Variants in MSH4 observed in about 807,000 individuals in gnomAD.
MSH4 encodes the protein mutS protein homolog 4.
Under a neutral mutation model 113.7 loss-of-function variants are expected in MSH4, and 106 were observed. That is an observed-to-expected ratio of 0.93 (90% CI 0.80 to 1.10). The LOEUF is 1.10. MSH4 is among the 50% of genes least tolerant of loss of function. The pLI, the probability that MSH4 is intolerant of heterozygous loss-of-function variation, is 0.00. For missense variants in MSH4, 1,061 were observed against 1,093.7 expected, an observed-to-expected ratio of 0.97 and a Z score of 0.42; for synonymous variants, 368 against 380.2, an observed-to-expected ratio of 0.97 and a Z score of 0.37.
At chr1:75,830,170 A>C (rs1451627491) in intron 7 of MSH4, among the ~76,000 whole-genome samples, 1 of 152,182 alleles carries the variant, frequency 6.6e-6, no homozygotes, top group Non-Finnish European at 1.5e-5. Flanking sequence ...GATTTGATCA[A>C]GTGGAAGAAA....
chr1:75,854,384 C>T (rs1362551360), intron 8 of MSH4, among the ~76,000 whole-genome samples: 1 of 152,098 alleles, frequency 6.6e-6, no homozygotes, highest in Non-Finnish European at 1.5e-5. Flanking sequence ...ATCCTTCTCA[C>T]CTCTCTCAGG....
chr1:75,811,469 T>C (rs369418828), intron 4 of MSH4, among the ~76,000 whole-genome samples: 121 of 152,352 alleles, frequency 7.9e-4, no homozygotes, highest in African/African-American at 2.6e-3. Context: ...AAACTACTTA[T>C]TGTGCTGTCA....
chr1:75,859,634 T>G (rs1290533123), intron 8 of MSH4, among the ~76,000 whole-genome samples: 1 of 152,214 alleles, frequency 6.6e-6, no homozygotes, highest in Non-Finnish European at 1.5e-5. Context: ...GGCAGTTTGT[T>G]GTGATTTCTA....
intron 8 of MSH4, among the ~76,000 whole-genome samples, chr1:75,866,958 C>T (rs5745428): frequency 0.084 from 12,775 of 152,082 alleles, 785 homozygotes; most frequent in African/African-American, 0.17. Context: ...GTAACACTGC[C>T]CAATTCTAGA....
chr1:75,827,048 AG>A (rs1432638948), intron 7 of MSH4, among the ~76,000 whole-genome samples: 5 of 152,044 alleles, frequency 3.3e-5, no homozygotes, highest in Non-Finnish European at 4.4e-5. Flanking sequence ...AGATTCGCCA[AG>A]GTTGAAACAA....
intron 7 of MSH4, among the ~76,000 whole-genome samples, chr1:75,832,334 A>C (rs2100531155): frequency 1.3e-5 from 2 of 152,374 alleles, no homozygotes; most frequent in African/African-American, 4.8e-5. Context: ...ATATGGATTC[A>C]CAGCCGAATT....
intron 9 of MSH4, 86 bp downstream of exon 9, chr1:75,867,674 T>G: frequency 1.2e-6 from 1 of 831,846 alleles, no homozygotes; most frequent in Non-Finnish European, 1.9e-6. Flanking sequence ...CTCGGAAAAT[T>G]GCAAGAATAA....
At chr1:75,837,427 C>A (rs148077070) in intron 7 of MSH4, among the ~76,000 whole-genome samples, 1 of 139,212 alleles carries the variant, frequency 7.2e-6, no homozygotes, top group Non-Finnish European at 1.5e-5. Context: ...CTTGCTGTCA[C>A]CTACCCTGGA....
chr1:75,846,678 G>C (rs1292014868), intron 7 of MSH4, among the ~76,000 whole-genome samples: 1 of 152,138 alleles, frequency 6.6e-6, no homozygotes, highest in African/African-American at 2.4e-5. Context: ...CACTTAAGTA[G>C]TCTTTACAAC....
intron 15 of MSH4, among the ~76,000 whole-genome samples, chr1:75,887,471 T>C (rs758058087): frequency 3.3e-5 from 5 of 152,276 alleles, no homozygotes; most frequent in East Asian, 1.9e-4. Context: ...GTAGCTAATA[T>C]TGAGTGTTCA....
chr1:75,911,498 A>G (rs1354923365), intron 19 of MSH4, among the ~76,000 whole-genome samples: 1 of 151,960 alleles, frequency 6.6e-6, no homozygotes, highest in Admixed American at 6.6e-5. Context: ...TCCTCTGAGT[A>G]TTTTATGGCT....
At chr1:75,820,510 C>T (rs1241217819) in intron 6 of MSH4, among the ~76,000 whole-genome samples, 1 of 152,132 alleles carries the variant, frequency 6.6e-6, no homozygotes, top group African/African-American at 2.4e-5. Context: ...TGTTATTGGT[C>T]TATTCAGAGA....
At chr1:75,837,496 C>T (rs1196644086) in intron 7 of MSH4, among the ~76,000 whole-genome samples, 1 of 147,660 alleles carries the variant, frequency 6.8e-6, no homozygotes, top group African/African-American at 2.5e-5. Flanking sequence ...AAGTGATTCT[C>T]TTGCCTCAGC....
chr1:75,883,587 A>T (rs1202849816), intron 14 of MSH4, 34 bp from the exon 15 acceptor site: 1 of 1,533,100 alleles, frequency 6.5e-7, no homozygotes, highest in African/African-American at 1.4e-5. Context: ...CAAATATATT[A>T]ATCTTTAAAA....
At position 75,856,730 on chromosome 1, in the gene MSH4, T is replaced by C. The variant is rs376855861; in HGVS notation, c.1230+8454T>C. ...GGTTCCAAGTCTTTGCTATTGTGAA[T>C]AGTGCTGCAATAAACATACATGTAC... On this transcript the variant is annotated intron_variant, in intron 8 of 19. Coordinates refer to ENST00000263187, the MANE Select transcript of MSH4 (RefSeq NM_002440.4). Among the ~76,000 whole-genome samples, 91 of 152,340 alleles carry C rather than the reference T, an allele frequency of 6.0e-4. 2 individuals carry two copies. Among genetic ancestry groups the C allele is most frequent in the African/African-American group, 2.1e-3 (86 of 41,572 alleles).
chr1:75,811,941 T>C (rs1650198177), intron 4 of MSH4, among the ~76,000 whole-genome samples: 1 of 152,210 alleles, frequency 6.6e-6, no homozygotes, highest in Non-Finnish European at 1.5e-5. Flanking sequence ...TTGCCAGAGA[T>C]AGTCCCTATT....
intron 15 of MSH4, among the ~76,000 whole-genome samples, chr1:75,887,209 G>A (rs867958038): frequency 6.6e-6 from 1 of 151,942 alleles, no homozygotes; most frequent in Non-Finnish European, 1.5e-5. Flanking sequence ...CCCCAATGTT[G>A]TTCTTGTGAT....
rs578220818 is a variant in MSH4 at position 75,841,379 on chromosome 1, G to A, written c.1163-6830G>A. 4.7e-4 allele frequency among the ~76,000 whole-genome samples: 71 copies of A among 152,020 alleles called. 1 individual carries two copies. The highest frequency in any genetic ancestry group is 1.5e-3 in the African/African-American group (62 of 41,464). ...TGCCTGGCTAATTTTTACATTTTTT[G>A]TAGAGCCAGGGTCTTGCTCTGTTGC... is the stretch of plus-strand genomic sequence containing the variant. On this transcript the variant is annotated intron_variant, in intron 7 of 19. Transcript: ENST00000263187.
At chr1:75,904,219 G>A (rs1652571216) in intron 19 of MSH4, among the ~76,000 whole-genome samples, 1 of 152,082 alleles carries the variant, frequency 6.6e-6, no homozygotes. Context: ...TGAATTCCGT[G>A]TAATCATGGT....
Sources: allele counts gnomAD v4.1 joint callset (sites outside exome capture counted in the v4.1 genomes callset), GRCh38; gene constraint gnomAD v4.1.1; transcripts MANE v1.5; gene names NCBI Gene and HGNC (gene_info 2026-07-23, HGNC 2026-07-21).